Variants in ZDHHC15 observed in about 807,000 individuals in gnomAD.
ZDHHC15 encodes the protein zDHHC palmitoyltransferase 15.
A neutral mutation model predicts 31.7 loss-of-function variants in ZDHHC15; 19 were observed. The ratio of observed to expected loss-of-function variants is 0.60; its 90% CI spans 0.42 to 0.88. The LOEUF is 0.88. Among genes scored for constraint, ZDHHC15 ranks in the 40% least tolerant of loss-of-function variants. ZDHHC15 has a pLI of 0.00. For missense variants in ZDHHC15, 209 were observed against 251.2 expected (o/e 0.83, Z 1.14); for synonymous variants, 103 against 90.0 (o/e 1.14, Z -0.82).
chrX:75,443,454 T>C (rs965371741), intron 4 of ZDHHC15, among the ~76,000 whole-genome samples: 3 of 111,709 alleles, frequency 2.7e-5, no homozygotes, highest in Non-Finnish European at 5.6e-5. Flanking sequence ...TTACAACTTA[T>C]ACAAAAATTA....
chrX:75,480,835 A>G (rs1315741802), intron 2 of ZDHHC15, among the ~76,000 whole-genome samples: 1 of 111,982 alleles, frequency 8.9e-6, no homozygotes, highest in African/African-American at 3.2e-5. Flanking sequence ...TGCACAAAAA[A>G]TATCTATAGG....
chrX:75,445,922 G>T (rs1372096078), intron 4 of ZDHHC15, among the ~76,000 whole-genome samples: 1 of 111,141 alleles, frequency 9.0e-6, no homozygotes, highest in Non-Finnish European at 1.9e-5. Flanking sequence ...ACGCTGCGTT[G>T]CTTGAGGAAA....
intron 4 of ZDHHC15, among the ~76,000 whole-genome samples, chrX:75,436,031 G>T (rs1311802968): frequency 9.0e-6 from 1 of 110,819 alleles, no homozygotes; most frequent in Non-Finnish European, 1.9e-5. Context: ...CTTGTTACTG[G>T]CCTCTTCAGA....
At chrX:75,381,124 T>A (rs750197885) in intron 10 of ZDHHC15, among the ~76,000 whole-genome samples, 70 of 111,259 alleles carry the variant, frequency 6.3e-4, no homozygotes, top group African/African-American at 2.3e-3. Flanking sequence ...ATCTGTAAAA[T>A]AGGGGCAATA....
At chrX:75,424,837 G>A in intron 7 of ZDHHC15, 53 bp from the exon 8 acceptor site, 2 of 1,118,755 alleles carry the variant, frequency 1.8e-6, no homozygotes, top group Non-Finnish European at 2.4e-6. Flanking sequence ...CGGATGGCTA[G>A]TTTTTCTAAA....
At chrX:75,463,016 A>G (rs1357019463) in intron 3 of ZDHHC15, among the ~76,000 whole-genome samples, 1 of 111,469 alleles carries the variant, frequency 9.0e-6, no homozygotes, top group Non-Finnish European at 1.9e-5. Context: ...ATAGACCACT[A>G]GCCAGACTAA....
At chrX:75,487,251 T>A (rs934317114) in intron 2 of ZDHHC15, among the ~76,000 whole-genome samples, 2 of 111,965 alleles carry the variant, frequency 1.8e-5, no homozygotes, top group Admixed American at 1.9e-4. Flanking sequence ...AACAAAAATA[T>A]AAGCAAGGAC....
At chrX:75,388,578 C>T (rs2083205281) in intron 10 of ZDHHC15, among the ~76,000 whole-genome samples, 2 of 111,066 alleles carry the variant, frequency 1.8e-5, no homozygotes, top group Non-Finnish European at 3.8e-5. Flanking sequence ...AATGCAAAAA[C>T]CTGTAATAGA....
intron 2 of ZDHHC15, among the ~76,000 whole-genome samples, chrX:75,484,244 A>G (rs2084741218): frequency 9.0e-6 from 1 of 111,597 alleles, no homozygotes; most frequent in Non-Finnish European, 1.9e-5. Flanking sequence ...TATCAAGTAT[A>G]TATATACCTC....
intron 10 of ZDHHC15, among the ~76,000 whole-genome samples, chrX:75,388,723 T>C (rs936891990): frequency 1.8e-5 from 2 of 111,801 alleles, no homozygotes; most frequent in Admixed American, 1.9e-4. Context: ...AGAAAGTCCT[T>C]ACTTGCCAAT....
chrX:75,496,379 C>T (rs1245197716), intron 2 of ZDHHC15, among the ~76,000 whole-genome samples: 2 of 111,377 alleles, frequency 1.8e-5, no homozygotes, highest in Admixed American at 9.6e-5. Context: ...ACCTAAGAAA[C>T]AAGATAGATG....
chrX:75,461,708 T>C (rs2084317755), intron 3 of ZDHHC15, among the ~76,000 whole-genome samples: 1 of 111,692 alleles, frequency 9.0e-6, no homozygotes, highest in South Asian at 3.7e-4. Flanking sequence ...AGAAATAAGA[T>C]CCTTTTCAGA....
At chrX:75,464,922 C>G (rs760254321) in intron 3 of ZDHHC15, among the ~76,000 whole-genome samples, 1 of 111,922 alleles carries the variant, frequency 8.9e-6, no homozygotes, top group Non-Finnish European at 1.9e-5. Flanking sequence ...TCTCACCACT[C>G]CTATTCAACA....
intron 10 of ZDHHC15, among the ~76,000 whole-genome samples, chrX:75,405,643 C>T (rs1398128274): frequency 8.9e-6 from 1 of 111,807 alleles, no homozygotes; most frequent in Non-Finnish European, 1.9e-5. Context: ...ATGCACTCAA[C>T]ACAGGAGTAC....
At chrX:75,468,689 G>A (rs2084453141) in intron 3 of ZDHHC15, among the ~76,000 whole-genome samples, 1 of 111,663 alleles carries the variant, frequency 9.0e-6, no homozygotes. Flanking sequence ...TAGTAGCAAT[G>A]TATGAAGATT....
chrX:75,384,169 G>C (rs1222960712), intron 10 of ZDHHC15, among the ~76,000 whole-genome samples: 1 of 111,871 alleles, frequency 8.9e-6, no homozygotes, highest in African/African-American at 3.2e-5. Context: ...AGAGAAAAAA[G>C]CTTTTGGAAA....
intron 3 of ZDHHC15, among the ~76,000 whole-genome samples, chrX:75,461,029 G>T (rs768004212): frequency 4.5e-5 from 5 of 111,553 alleles, no homozygotes; most frequent in African/African-American, 1.6e-4. Flanking sequence ...ATGCAAAGAG[G>T]CTAAGAATCA....
chrX:75,382,486 G>T (rs1456560888), intron 10 of ZDHHC15, among the ~76,000 whole-genome samples: 1 of 111,868 alleles, frequency 8.9e-6, no homozygotes, highest in African/African-American at 3.2e-5. Context: ...TATTGTGTTT[G>T]ATGTTTTCAG....
At chrX:75,397,775 C>T (rs371759404) in intron 10 of ZDHHC15, among the ~76,000 whole-genome samples, 295 of 111,618 alleles carry the variant, frequency 2.6e-3, no homozygotes, top group Non-Finnish European at 3.4e-3. Flanking sequence ...AAGAGGACAA[C>T]GGCCCATCTG....
Sources: allele counts gnomAD v4.1 joint callset (sites outside exome capture counted in the v4.1 genomes callset), GRCh38; gene constraint gnomAD v4.1.1; transcripts MANE v1.5; gene names NCBI Gene and HGNC (gene_info 2026-07-23, HGNC 2026-07-21).